The following PCDH15 variants were observed in gnomAD, a reference collection of about 807,000 sequenced individuals.
The protein encoded by PCDH15 is protocadherin-15.
PCDH15 carries 129 observed loss-of-function variants against 178.5 expected under a neutral mutation model. The ratio of observed to expected loss-of-function variants is 0.72; its 90% CI spans 0.63 to 0.84. PCDH15 has a LOEUF of 0.84. Ranked by LOEUF, PCDH15 falls within the 40% of genes least tolerant of loss-of-function variation. The pLI is 0.00. For missense variants in PCDH15, 2,230 were observed against 2,099.9 expected (o/e 1.06, Z -1.21); for synonymous variants, 800 against 732.0 (o/e 1.09, Z -1.50).
intron 5 of PCDH15, among the ~76,000 whole-genome samples, chr10:54,349,759 G>A (rs1450440171): frequency 6.6e-6 from 1 of 152,050 alleles, no homozygotes; most frequent in Non-Finnish European, 1.5e-5. Context: ...TGCTGATGAA[G>A]CCTACCAAAG....
intron 2 of PCDH15, among the ~76,000 whole-genome samples, chr10:55,423,317 C>T (rs11004845): frequency 0.2 from 30,249 of 151,786 alleles, 3,979 homozygotes; most frequent in Non-Finnish European, 0.29. Flanking sequence ...AAGTAGGATG[C>T]ACTGTAGGGT....
chr10:55,357,066 T>C (rs1845098159), intron 2 of PCDH15, among the ~76,000 whole-genome samples: 1 of 151,940 alleles, frequency 6.6e-6, no homozygotes, highest in Non-Finnish European at 1.5e-5. Flanking sequence ...TTGAACAGTT[T>C]GCTCTGTGAG....
intron 2 of PCDH15, among the ~76,000 whole-genome samples, chr10:55,031,842 C>T (rs1313349932): frequency 6.6e-6 from 1 of 152,154 alleles, no homozygotes; most frequent in Admixed American, 6.5e-5. Context: ...TTCCAACCCC[C>T]AGAGCTATGA....
At chr10:55,298,769 G>A (rs754551614) in intron 1 of PCDH15, among the ~76,000 whole-genome samples, 18 of 151,970 alleles carry the variant, frequency 1.2e-4, no homozygotes, top group Admixed American at 9.2e-4. Flanking sequence ...TAGTAGAGAC[G>A]GTTTCACCAC....
intron 3 of PCDH15, among the ~76,000 whole-genome samples, chr10:54,499,876 C>T (rs372289984): frequency 6.6e-5 from 10 of 152,256 alleles, no homozygotes; most frequent in African/African-American, 1.4e-4. Flanking sequence ...AGAAAAACTA[C>T]GGAAAGCAGT....
At chr10:54,712,058 G>A (rs577703795) in intron 1 of PCDH15, among the ~76,000 whole-genome samples, 35 of 151,822 alleles carry the variant, frequency 2.3e-4, no homozygotes, top group Middle Eastern at 3.4e-3. Context: ...TCGTATATAC[G>A]TAGTAGTGTA....
Position 54,183,669 on chromosome 10 carries a change from A to G in PCDH15, c.1441-76T>C, listed in dbSNP as rs112740946. ...AGTACAGAGTTTGCTCTTACAGTTT[A>G]ACAAGTTTCTTACAGGTAATCTTAC... On this transcript the variant is annotated intron_variant, in intron 12 of 37. Coordinates refer to ENST00000644397, the MANE Select transcript of PCDH15 (RefSeq NM_001384140.1). The G allele has an allele frequency of 1.6e-3, 2,442 of 1,549,928 alleles. 30 individuals carry two copies. In the African/African-American group the frequency reaches 0.028, roughly 18 times the overall value.
chr10:55,286,745 T>G (rs1842881085), intron 1 of PCDH15, among the ~76,000 whole-genome samples: 1 of 151,974 alleles, frequency 6.6e-6, no homozygotes, highest in African/African-American at 2.4e-5. Context: ...ATATTTTGCA[T>G]AATCAATTTT....
chr10:55,551,116 G>T (rs1212615009), intron 2 of PCDH15, among the ~76,000 whole-genome samples: 1 of 151,992 alleles, frequency 6.6e-6, no homozygotes, highest in Non-Finnish European at 1.5e-5. Context: ...ACAGGTGATT[G>T]TTAATACATA....
At chr10:55,367,526 A>G (rs1845396799) in intron 2 of PCDH15, among the ~76,000 whole-genome samples, 1 of 152,094 alleles carries the variant, frequency 6.6e-6, no homozygotes, top group Non-Finnish European at 1.5e-5. Flanking sequence ...GACTGAAGTG[A>G]GCCATGATCA....
intron 1 of PCDH15, among the ~76,000 whole-genome samples, chr10:54,672,521 T>C (rs1206188619): frequency 6.6e-6 from 1 of 152,104 alleles, no homozygotes; most frequent in African/African-American, 2.4e-5. Flanking sequence ...GAAGCAAACG[T>C]ATTGTAAACT....
intron 1 of PCDH15, among the ~76,000 whole-genome samples, chr10:55,300,192 C>T (rs1164109324): frequency 1.3e-5 from 2 of 152,102 alleles, no homozygotes; most frequent in African/African-American, 2.4e-5. Context: ...TTGTTCTCCA[C>T]AGAAATTGAA....
chr10:55,070,867 C>T (rs1841721771), intron 2 of PCDH15, among the ~76,000 whole-genome samples: 1 of 152,034 alleles, frequency 6.6e-6, no homozygotes, highest in Admixed American at 6.6e-5. Flanking sequence ...TTACCTTGGG[C>T]AGTATGGCCA....
intron 14 of PCDH15, among the ~76,000 whole-genome samples, chr10:54,146,908 T>C (rs2043973241): frequency 6.8e-6 from 1 of 146,156 alleles, no homozygotes; most frequent in Non-Finnish European, 1.5e-5. Flanking sequence ...ATATATATAG[T>C]GTATATATAT....
intron 13 of PCDH15, among the ~76,000 whole-genome samples, chr10:54,163,789 A>C (rs943563372): frequency 2.6e-5 from 4 of 152,184 alleles, no homozygotes; most frequent in Admixed American, 1.3e-4. Flanking sequence ...GAATGATTAC[A>C]GAGTAATCAA....
chr10:55,309,670 T>C (rs1379473512), intron 1 of PCDH15, among the ~76,000 whole-genome samples: 2 of 152,212 alleles, frequency 1.3e-5, no homozygotes, highest in African/African-American at 4.8e-5. Flanking sequence ...AAAAATAGTT[T>C]CTGATTAAAC....
At chr10:55,391,599 G>T (rs1436711093) in intron 2 of PCDH15, among the ~76,000 whole-genome samples, 13 of 152,064 alleles carry the variant, frequency 8.5e-5, no homozygotes, top group South Asian at 2.1e-4. Context: ...TGATTCTCTT[G>T]CCTCAGCCTC....
intron 21 of PCDH15, among the ~76,000 whole-genome samples, chr10:53,978,465 AG>A (rs1004373539): frequency 6.6e-6 from 1 of 152,030 alleles, no homozygotes; most frequent in African/African-American, 2.4e-5. Context: ...TATACACAGC[AG>A]GGGGGTCCCT....
chr10:54,110,886 T>A (rs998263218), intron 15 of PCDH15, among the ~76,000 whole-genome samples: 4 of 152,178 alleles, frequency 2.6e-5, no homozygotes, highest in Non-Finnish European at 5.9e-5. Flanking sequence ...AATTTTTCAG[T>A]TTTCTTAATA....
Sources: gnomAD v4.1 joint callset for allele counts (sites outside exome capture counted in the v4.1 genomes callset) on GRCh38, gnomAD v4.1.1 for gene constraint, MANE v1.5 for transcripts, NCBI Gene and HGNC (gene_info 2026-07-23, HGNC 2026-07-21) for gene names.